Variants in PLCE1 observed in about 807,000 individuals in gnomAD.
The protein encoded by PLCE1 is phospholipase C epsilon 1.
PLCE1 carries 119 observed loss-of-function variants against 242.8 expected under a neutral mutation model. The observed-to-expected ratio is 0.49, with a 90% CI of 0.42 to 0.57. The LOEUF (loss-of-function observed/expected upper bound fraction) is 0.57. Ranked by LOEUF, PLCE1 falls within the 20% of genes least tolerant of loss-of-function variation. PLCE1 has a pLI of 0.00. For missense variants in PLCE1, 2,441 were observed against 2,788.8 expected, an observed-to-expected ratio of 0.88 and a Z score of 2.81; for synonymous variants, 945 against 1,017.4, an observed-to-expected ratio of 0.93 and a Z score of 1.35.
At chr10:94,055,993 G>C (rs2043893582) in intron 2 of PLCE1, among the ~76,000 whole-genome samples, 1 of 152,126 alleles carries the variant, frequency 6.6e-6, no homozygotes, top group East Asian at 1.9e-4. Context: ...ATGGTCAAAG[G>C]ACCTTTGACT....
At position 94,259,129 on chromosome 10, in the gene PLCE1, A is replaced by G; in HGVS notation, c.3793A>G (p.Ser1265Gly). Residue 1265 changes from serine to glycine, a missense_variant, in exon 13 of 33, where the codon AGC (serine) becomes GGC (glycine). By Grantham distance (56) the Ser-to-Gly change is moderately conservative. Transcript: ENST00000371380. ...CAACCTGACAATTGATGAAAACACC[A>G]GCGATCTTCAGCCTGACCTAGGTTT... is the stretch of plus-strand genomic sequence containing the variant. Reference protein sequence around the residue: ...YTNLTIDENTSDLQPDLDLLT... With the variant: ...YTNLTIDENTGDLQPDLDLLT... 1 of 1,614,126 alleles carries G rather than the reference A, an allele frequency of 6.2e-7. No individual in the cohort carries two copies. The highest frequency in any genetic ancestry group is 8.5e-7 in the Non-Finnish European group (1 of 1,179,968).
intron 2 of PLCE1, among the ~76,000 whole-genome samples, chr10:94,061,468 A>C (rs2044053801): frequency 6.6e-6 from 1 of 152,208 alleles, no homozygotes; most frequent in Admixed American, 6.5e-5. Context: ...CTTTTCATTA[A>C]CATTACACCA....
At chr10:94,087,254 G>A (rs2044862525) in intron 2 of PLCE1, among the ~76,000 whole-genome samples, 1 of 150,674 alleles carries the variant, frequency 6.6e-6, no homozygotes. Context: ...GGAGGCTGAG[G>A]TGGGAAAATC....
chr10:94,313,161 T>C, intron 27 of PLCE1, 93 bp from the exon 28 acceptor site: 2 of 1,447,286 alleles, frequency 1.4e-6, no homozygotes, highest in Non-Finnish European at 1.9e-6. Flanking sequence ...CATGTTCCTA[T>C]CCGTACTTCT....
chr10:94,327,988 A>G lies in PLCE1; in HGVS notation c.*45A>G, dbSNP rs2054095752. 1 of 532,512 alleles carries G rather than the reference A, an allele frequency of 1.9e-6. No homozygotes were observed. The allele number at this position is 532,512 out of a possible 1,614,324, so 33.0% of individuals were successfully genotyped here. On this transcript the variant is annotated 3_prime_UTR_variant, in exon 33 of 33. Transcript: ENST00000371380. ...TACAGGTGAAGATCTTTAAGCAAGA[A>G]GTTAAAGAGTGAACATGGTGGAAAA...
At chr10:94,032,934 C>G (rs2134514077) in intron 2 of PLCE1, among the ~76,000 whole-genome samples, 1 of 151,874 alleles carries the variant, frequency 6.6e-6, no homozygotes, top group South Asian at 2.1e-4. Context: ...TCCACAGATT[C>G]AACCAACTGC....
intron 2 of PLCE1, among the ~76,000 whole-genome samples, chr10:94,089,839 T>C (rs1013917857): frequency 2.0e-5 from 3 of 152,228 alleles, no homozygotes; most frequent in African/African-American, 7.2e-5. Flanking sequence ...TTGGCTTTTG[T>C]GATTATAATA....
chr10:94,151,130 A>G (rs564030535), intron 3 of PLCE1, among the ~76,000 whole-genome samples: 1 of 152,204 alleles, frequency 6.6e-6, no homozygotes, highest in South Asian at 2.1e-4. Context: ...ACTCATGTGC[A>G]TTTTCTTTAC....
chr10:94,157,738 A>G (rs1048271485), intron 3 of PLCE1, among the ~76,000 whole-genome samples: 4 of 152,228 alleles, frequency 2.6e-5, no homozygotes, highest in Non-Finnish European at 4.4e-5. Context: ...AGTTCCTTCC[A>G]ACTCAGGCAT....
chr10:94,053,930 T>C (rs2043833110), intron 2 of PLCE1, among the ~76,000 whole-genome samples: 1 of 152,226 alleles, frequency 6.6e-6, no homozygotes, highest in Non-Finnish European at 1.5e-5. Flanking sequence ...AAAAAGTAAA[T>C]GGTTCAGAAC....
chr10:94,147,786 C>T (rs1299675766), intron 3 of PLCE1, among the ~76,000 whole-genome samples: 2 of 152,136 alleles, frequency 1.3e-5, no homozygotes, highest in African/African-American at 4.8e-5. Flanking sequence ...GAGCTCTTAC[C>T]CTGCCTCTAG....
intron 5 of PLCE1, among the ~76,000 whole-genome samples, chr10:94,233,001 A>G (rs1441648512): frequency 6.6e-6 from 1 of 152,174 alleles, no homozygotes; most frequent in Non-Finnish European, 1.5e-5. Context: ...CTCTCACAGA[A>G]AGGTGAGCTC....
chr10:94,167,601 G>A (rs2047847302), intron 3 of PLCE1, among the ~76,000 whole-genome samples: 1 of 151,534 alleles, frequency 6.6e-6, no homozygotes, highest in Non-Finnish European at 1.5e-5. Context: ...CATGTGCCAT[G>A]TTGGTGTGCT....
At chr10:94,132,059 A>G in intron 2 of PLCE1, 115 bp from the exon 3 acceptor site, 3 of 938,028 alleles carry the variant, frequency 3.2e-6, no homozygotes, top group Non-Finnish European at 5.0e-6. Flanking sequence ...GAGTGTTTGC[A>G]CTTGGAGCAT....
intron 21 of PLCE1, 128 bp downstream of exon 21, chr10:94,284,039 A>G: frequency 1.8e-6 from 2 of 1,100,966 alleles, no homozygotes; most frequent in Non-Finnish European, 1.3e-6. Flanking sequence ...GATACCTGCC[A>G]AAGTTCACTT....
At chr10:94,023,554 A>G (rs1435127884) in intron 1 of PLCE1, among the ~76,000 whole-genome samples, 2 of 152,134 alleles carry the variant, frequency 1.3e-5, no homozygotes, top group African/African-American at 4.8e-5. Flanking sequence ...ACTAACATCA[A>G]TGACCCATAT....
rs2054167735 is a variant in PLCE1 at position 94,332,210 on chromosome 10, CA to C, written c.*4268del. 1 of 152,156 alleles carries C rather than the reference CA, an allele frequency of 6.6e-6. No homozygotes were observed. Among genetic ancestry groups the C allele is most frequent in the Non-Finnish European group, 1.5e-5 (1 of 68,054 alleles). The allele number at this position is 152,156 out of a possible 1,614,324, so 9.4% of individuals were successfully genotyped here. A position where few individuals can be genotyped will look rare whatever the true frequency, so the allele number is the denominator to read the frequency against. ...TCTCTTAGATTCAAAACATACTATGCACAAGCCTGTCACCAAACAGATCTCT... is the reference window on the plus strand; with the variant it reads ...TCTCTTAGATTCAAAACATACTATGCCAAGCCTGTCACCAAACAGATCTCT... On this transcript the variant is annotated 3_prime_UTR_variant, in exon 33 of 33. Transcript: ENST00000371380.
At chr10:94,276,442 A>G (rs1025306488) in intron 19 of PLCE1, among the ~76,000 whole-genome samples, 4 of 152,196 alleles carry the variant, frequency 2.6e-5, no homozygotes, top group African/African-American at 9.7e-5. Context: ...ACTTTGAAAA[A>G]CAGATTCTAA....
intron 4 of PLCE1, among the ~76,000 whole-genome samples, chr10:94,211,852 C>A (rs2049341593): frequency 1.3e-5 from 2 of 152,142 alleles, no homozygotes; most frequent in African/African-American, 4.8e-5. Context: ...AGAGGACCTA[C>A]TGAACTACTG....
Sources: gnomAD v4.1 joint callset for allele counts (sites outside exome capture counted in the v4.1 genomes callset) on GRCh38, gnomAD v4.1.1 for gene constraint, MANE v1.5 for transcripts, NCBI Gene and HGNC (gene_info 2026-07-23, HGNC 2026-07-21) for gene names.